Variants in VRK3 observed in about 807,000 individuals in gnomAD.
The protein encoded by VRK3 is VRK serine/threonine kinase 3, also known as serine/threonine-protein kinase VRK3.
Under a neutral mutation model 60.4 loss-of-function variants are expected in VRK3, and 50 were observed. That is an observed-to-expected ratio of 0.83 (90% CI 0.66 to 1.05). The LOEUF (loss-of-function observed/expected upper bound fraction) is 1.05, where lower values mean the gene tolerates loss of function less well. Ranked by LOEUF, VRK3 falls within the 50% of genes least tolerant of loss-of-function variation. The probability of loss-of-function intolerance (pLI) is 0.00; values close to 1 mark genes in which losing one functional copy is unlikely to be tolerated. For synonymous variants in VRK3, 246 were observed against 227.8 expected (o/e 1.08, Z -0.72); for missense variants, 549 against 585.3 (o/e 0.94, Z 0.64).
Position 50,009,518 on chromosome 19 carries a change from T to C in VRK3, c.140-133A>G, listed in dbSNP as rs376350766. On this transcript the variant is annotated intron_variant, in intron 3 of 14. Coordinates refer to ENST00000316763, the MANE Select transcript of VRK3 (RefSeq NM_016440.4). Reference sequence around the variant, plus strand: ...CCTCAACACCAATTCTTGCTTCTTCTATTATGTAAATATATGAGCAAACTG... The same window carrying C: ...CCTCAACACCAATTCTTGCTTCTTCCATTATGTAAATATATGAGCAAACTG... 155 of 1,037,622 alleles carry C rather than the reference T, an allele frequency of 1.5e-4. 2 individuals carry two copies. In the East Asian group the frequency reaches 3.8e-3, roughly 26 times the overall value. 64.3% of individuals were successfully genotyped at this position (1,037,622 alleles called of 1,614,324 possible).
chr19:50,016,274 G>T (rs1372760090), intron 2 of VRK3, 111 bp from the exon 3 acceptor site: 19 of 1,375,566 alleles, frequency 1.4e-5, no homozygotes, highest in Non-Finnish European at 1.8e-5. Flanking sequence ...CACAACCAGG[G>T]TCTTCAACTG....
intron 2 of VRK3, among the ~76,000 whole-genome samples, chr19:50,016,565 A>T (rs1470908360): frequency 6.6e-6 from 1 of 152,190 alleles, no homozygotes; most frequent in Non-Finnish European, 1.5e-5. Context: ...CCTGGTCCAC[A>T]CTGGAACCTC....
rs568119607 is a variant in VRK3 at position 49,989,739 on chromosome 19, G to C, written c.996C>G (p.Arg332=). ...CCACGTGTTTGCCACTTGGGCAATA[G>C]CGGAAGGCGAAGCCATAGCCTGCCA... is the stretch of plus-strand genomic sequence containing the variant. The part of the protein sequence containing the change: ...VTLAGYGFAF[R]YCPSGKHVAY... Residue 332 remains arginine, a synonymous_variant, in exon 11 of 15, where the codon CGC becomes CGG. Coordinates refer to ENST00000316763, the MANE Select transcript of VRK3 (RefSeq NM_016440.4). 1.9e-6 allele frequency: 3 copies of C among 1,613,100 alleles called. No homozygotes were observed. Among genetic ancestry groups the C allele is most frequent in the East Asian group, 2.2e-5 (1 of 44,862 alleles).
intron 3 of VRK3, among the ~76,000 whole-genome samples, chr19:50,011,734 T>C (rs2076998858): frequency 6.7e-6 from 1 of 149,604 alleles, no homozygotes; most frequent in Non-Finnish European, 1.5e-5. Flanking sequence ...TCCTCCAGTG[T>C]GTAGTTAAAA....
chr19:49,984,432 G>C (rs1216048580), intron 12 of VRK3, among the ~76,000 whole-genome samples: 1 of 152,120 alleles, frequency 6.6e-6, no homozygotes, highest in Non-Finnish European at 1.5e-5. Context: ...GCCGGTGGCG[G>C]GGTCCTGTGC....
chr19:50,007,949 G>A, intron 4 of VRK3, 123 bp from the exon 5 acceptor site: 5 of 1,389,054 alleles, frequency 3.6e-6, no homozygotes, highest in Non-Finnish European at 4.9e-6. Flanking sequence ...ACATTTCCTG[G>A]GACCTTCTAT....
intron 1 of VRK3, among the ~76,000 whole-genome samples, chr19:50,022,838 C>T (rs868360877): frequency 6.6e-6 from 1 of 152,034 alleles, no homozygotes. Flanking sequence ...AGACCCTGTC[C>T]CTCCTCTACT....
chr19:50,004,678 C>T (rs974572985), intron 5 of VRK3, among the ~76,000 whole-genome samples: 1 of 152,002 alleles, frequency 6.6e-6, no homozygotes, highest in South Asian at 2.1e-4. Flanking sequence ...GAGGCTGAGG[C>T]GGGAGGATCG....
At chr19:49,994,286 C>G (rs2076662933) in intron 9 of VRK3, among the ~76,000 whole-genome samples, 1 of 152,170 alleles carries the variant, frequency 6.6e-6, no homozygotes, top group Non-Finnish European at 1.5e-5. Context: ...ACTGTGAGCT[C>G]TAAGACACAG....
intron 10 of VRK3, among the ~76,000 whole-genome samples, chr19:49,991,053 A>G (rs1568783128): frequency 6.6e-6 from 1 of 152,216 alleles, no homozygotes; most frequent in South Asian, 2.1e-4. Context: ...TTGGCCTCCT[A>G]AACTGCTGGA....
chr19:49,979,357 CA>C (rs3833235), intron 13 of VRK3, 115 bp from the exon 14 acceptor site: 269,737 of 1,442,924 alleles, frequency 0.19, 26,067 homozygotes, highest in East Asian at 0.32. Flanking sequence ...ATGAGGGTCT[CA>C]GCAAAAGTGC....
chr19:49,985,333 T>C (rs1165185956), intron 12 of VRK3, among the ~76,000 whole-genome samples: 3 of 152,176 alleles, frequency 2.0e-5, no homozygotes, highest in African/African-American at 7.2e-5. Context: ...GGCAATGGAC[T>C]TGTGTTCTAG....
intron 6 of VRK3, chr19:49,998,001 A>C (rs2122212273): frequency 6.5e-6 from 1 of 154,160 alleles, no homozygotes. Context: ...TGATGGTGGA[A>C]GCTGAAGCAG....
At position 49,979,068 on chromosome 19, in the gene VRK3, A is replaced by G; in HGVS notation, c.*11+15T>C. On this transcript the variant is annotated intron_variant, in intron 14 of 14. Coordinates refer to ENST00000316763, the MANE Select transcript of VRK3 (RefSeq NM_016440.4). ...GCAAGGGGTGAGAGGCTTAAGCCTC[A>G]CAAGCTCTTCCCACCTGGATTCCAC... is the stretch of plus-strand genomic sequence containing the variant. 6.3e-7 allele frequency: 1 copy of G among 1,584,490 alleles called. No homozygotes were observed. Among genetic ancestry groups the G allele is most frequent in the Admixed American group, 1.7e-5 (1 of 57,538 alleles).
intron 4 of VRK3, 56 bp downstream of exon 4, chr19:50,009,180 A>G (rs145194678): frequency 4.4e-4 from 699 of 1,573,106 alleles, no homozygotes; most frequent in Admixed American, 9.1e-4. Flanking sequence ...AAAGATCATC[A>G]GATGACCTAA....
intron 3 of VRK3, among the ~76,000 whole-genome samples, chr19:50,010,124 T>C (rs1437617278): frequency 6.6e-6 from 1 of 152,088 alleles, no homozygotes; most frequent in East Asian, 1.9e-4. Context: ...CATACACATA[T>C]ATACATATAT....
At chr19:49,990,306 T>C (rs1346909328) in intron 10 of VRK3, among the ~76,000 whole-genome samples, 1 of 152,254 alleles carries the variant, frequency 6.6e-6, no homozygotes, top group Non-Finnish European at 1.5e-5. Context: ...AAAGGGTTCT[T>C]ATAAGGCTTA....
intron 6 of VRK3, chr19:50,000,573 C>G (rs999041354): frequency 6.8e-6 from 4 of 590,644 alleles, no homozygotes; most frequent in Non-Finnish European, 9.0e-6. Flanking sequence ...AGGGAAGCAT[C>G]AGAGCCAGAC....
chr19:50,021,342 T>C (rs892642222), intron 1 of VRK3, among the ~76,000 whole-genome samples: 9 of 152,106 alleles, frequency 5.9e-5, no homozygotes, highest in Non-Finnish European at 1.5e-5. Context: ...CTCCTACCAA[T>C]AGAGGACCGG....
Sources: gnomAD v4.1 joint callset for allele counts (sites outside exome capture counted in the v4.1 genomes callset) on GRCh38, gnomAD v4.1.1 for gene constraint, MANE v1.5 for transcripts, NCBI Gene and HGNC (gene_info 2026-07-23, HGNC 2026-07-21) for gene names.